ZFYVE28: variants seen among roughly 807,000 people sequenced by gnomAD.
ZFYVE28 encodes zinc finger FYVE-type containing 28, also known as lateral signaling target protein 2 homolog.
ZFYVE28 carries 40 observed loss-of-function variants against 82.1 expected under a neutral mutation model. The ratio of observed to expected loss-of-function variants is 0.49; its 90% CI spans 0.38 to 0.63. ZFYVE28 has a LOEUF of 0.63. Ranked by LOEUF, ZFYVE28 falls within the 30% of genes least tolerant of loss-of-function variation. ZFYVE28 has a pLI of 0.00. For synonymous variants in ZFYVE28, 612 were observed against 546.1 expected, an observed-to-expected ratio of 1.12 and a Z score of -1.68; for missense variants, 1,321 against 1,242.1, an observed-to-expected ratio of 1.06 and a Z score of -0.96.
At chr4:2,296,911 A>G (rs1051906629) in intron 8 of ZFYVE28, among the ~76,000 whole-genome samples, 1 of 152,102 alleles carries the variant, frequency 6.6e-6, no homozygotes, top group Non-Finnish European at 1.5e-5. Flanking sequence ...CTGAGCCCCC[A>G]GAAGAGCTCC....
intron 8 of ZFYVE28, among the ~76,000 whole-genome samples, chr4:2,291,571 C>A (rs1175887069): frequency 6.6e-6 from 1 of 152,210 alleles, no homozygotes; most frequent in Non-Finnish European, 1.5e-5. Context: ...CCCTCTCTCT[C>A]CACCTCAGAC....
chr4:2,336,127 A>C (rs1721649702), intron 5 of ZFYVE28, among the ~76,000 whole-genome samples: 2 of 152,150 alleles, frequency 1.3e-5, no homozygotes, highest in South Asian at 4.1e-4. Context: ...AACCCAGAGG[A>C]CGGCTCTGCT....
chr4:2,305,217 C>T lies in ZFYVE28; in HGVS notation c.1123G>A (p.Ala375Thr), dbSNP rs1332564805. ...GCCTCCCCGCCTGGGCTGCCCTCCG[C>T]TCCTGGCCTGTGAGCTGGGGACTGG... Reference protein sequence around the residue: ...ACQSPAHRPGAEGSPGGEASP... With the variant: ...ACQSPAHRPGTEGSPGGEASP... Residue 375 changes from alanine (A) to threonine (T), a missense_variant, in exon 8 of 13, where the codon GCG (alanine) becomes ACG (threonine). This residue lies in a region of ZFYVE28 where 978 missense variants were observed against 833.7 expected (regional missense o/e 1.17). Coordinates refer to ENST00000290974, the MANE Select transcript of ZFYVE28 (RefSeq NM_020972.3). 3 of 1,609,672 alleles carry T rather than the reference C, an allele frequency of 1.9e-6. No individual in the cohort carries two copies. The highest frequency in any genetic ancestry group is 1.1e-5 in the South Asian group (1 of 90,806).
Position 2,270,287 on chromosome 4 carries a change from C to A in ZFYVE28, c.*438G>T, listed in dbSNP as rs893386053. On this transcript the variant is annotated 3_prime_UTR_variant, in exon 13 of 13. Coordinates refer to ENST00000290974, the MANE Select transcript of ZFYVE28 (RefSeq NM_020972.3). ...TGACGTTTGGGAGGCACATAGGGAG[C>A]CCTGCTGTGCCAAAGAGCCTGTGGA... The A allele has an allele frequency of 2.1e-5, 4 of 192,924 alleles. No homozygotes were observed. Among genetic ancestry groups the A allele is most frequent in the East Asian group, 3.1e-4 (2 of 6,512 alleles). 12.0% of individuals were successfully genotyped at this position (192,924 alleles called of 1,614,324 possible). A position where few individuals can be genotyped will look rare whatever the true frequency, so the allele number is the denominator to read the frequency against.
At chr4:2,301,244 C>T (rs1457939129) in intron 8 of ZFYVE28, among the ~76,000 whole-genome samples, 1 of 152,196 alleles carries the variant, frequency 6.6e-6, no homozygotes, top group Non-Finnish European at 1.5e-5. Context: ...GCTTGAGACA[C>T]AGATGAGTGG....
rs180933575 is a variant in ZFYVE28, at chr4:2,340,594, C to A, written c.318+884G>T. ...CAGAGCTTGGGGCACCAGGACCACACAAGGAGCTGTGCCCACCCCTGTGCA... is the reference window on the plus strand; with the variant it reads ...CAGAGCTTGGGGCACCAGGACCACAAAAGGAGCTGTGCCCACCCCTGTGCA... On this transcript the variant is annotated intron_variant, in intron 3 of 12. Transcript: ENST00000290974. Among the ~76,000 whole-genome samples the A allele has an allele frequency of 2.3e-3, 353 of 152,302 alleles. 4 individuals carry two copies. Among genetic ancestry groups the A allele is most frequent in the Admixed American group, 0.019 (294 of 15,310 alleles).
rs1560269923 is a variant in ZFYVE28, at chr4:2,355,246, AT to A, written c.40-1174del. Among the ~76,000 whole-genome samples, 100 of 22,168 alleles carry A rather than the reference AT, an allele frequency of 4.5e-3. 22 individuals carry two copies. The highest frequency in any genetic ancestry group is 0.021 in the African/African-American group (87 of 4,194). 14.5% of individuals were successfully genotyped at this position (22,168 alleles called of 152,430 possible). On this transcript the variant is annotated intron_variant, in intron 1 of 12. Transcript: ENST00000290974. Reference sequence around the variant, plus strand: ...TATATATATATATATATATATATATATATATATATATATATATATATATATA... The same window carrying A: ...TATATATATATATATATATATATATAATATATATATATATATATATATATA...
At chr4:2,392,031 A>G (rs2354523) in intron 1 of ZFYVE28, among the ~76,000 whole-genome samples, 98,423 of 151,486 alleles carry the variant, frequency 0.65, 32,467 homozygotes, top group East Asian at 0.79. Flanking sequence ...GTGAGCGCCT[A>G]TAATCCTGAC....
intron 8 of ZFYVE28, among the ~76,000 whole-genome samples, chr4:2,302,639 G>A (rs1438441821): frequency 6.6e-6 from 1 of 152,222 alleles, no homozygotes; most frequent in Non-Finnish European, 1.5e-5. Flanking sequence ...CCACCCAGAT[G>A]AGCTGAAGAC....
At position 2,409,872 on chromosome 4, in the gene ZFYVE28, T is replaced by C. The variant is rs1490427061; in HGVS notation, c.39+8413A>G. Among the ~76,000 whole-genome samples, 1 of 152,216 alleles carries C rather than the reference T, an allele frequency of 6.6e-6. No homozygotes were observed. The highest frequency in any genetic ancestry group is 1.9e-4 in the East Asian group (1 of 5,184). On this transcript the variant is annotated intron_variant, in intron 1 of 12. Transcript: ENST00000290974. The surrounding 1 kb of genome is among the most constrained non-coding windows in gnomAD (Gnocchi z 4.4). ...GTGGGAGGAGAGGCTGGGCTGGGACTTGAGGATCCATCTTCAGAGACCAGG... is the reference window on the plus strand; with the variant it reads ...GTGGGAGGAGAGGCTGGGCTGGGACCTGAGGATCCATCTTCAGAGACCAGG...
chr4:2,348,889 G>A (rs1723956381), intron 2 of ZFYVE28, among the ~76,000 whole-genome samples: 1 of 152,058 alleles, frequency 6.6e-6, no homozygotes, highest in African/African-American at 2.4e-5. Context: ...CTTTCTACCA[G>A]AGAACTAAAA....
intron 4 of ZFYVE28, among the ~76,000 whole-genome samples, chr4:2,337,944 G>A (rs1560231944): frequency 6.6e-6 from 1 of 152,036 alleles, no homozygotes. Context: ...CTGCCAGCCA[G>A]GCCTACCCCA....
intron 7 of ZFYVE28, among the ~76,000 whole-genome samples, chr4:2,315,051 C>T (rs1718009379): frequency 6.6e-6 from 1 of 152,160 alleles, no homozygotes; most frequent in Non-Finnish European, 1.5e-5. Flanking sequence ...GCTGGGATTA[C>T]AGGCAGGAGC....
intron 6 of ZFYVE28, among the ~76,000 whole-genome samples, chr4:2,329,444 T>G (rs1033663043): frequency 6.6e-6 from 1 of 152,156 alleles, no homozygotes; most frequent in Admixed American, 6.5e-5. Flanking sequence ...CTTAAAAAGG[T>G]AGGAAATTCT....
intron 1 of ZFYVE28, among the ~76,000 whole-genome samples, chr4:2,374,885 C>T (rs1018424044): frequency 2.0e-5 from 3 of 152,222 alleles, no homozygotes; most frequent in Non-Finnish European, 2.9e-5. Flanking sequence ...GGCTCCTCCT[C>T]GGTGGGTTTG....
intron 1 of ZFYVE28, among the ~76,000 whole-genome samples, chr4:2,387,826 C>T (rs978368748): frequency 3.3e-5 from 5 of 152,248 alleles, no homozygotes; most frequent in Non-Finnish European, 5.9e-5. Flanking sequence ...CCAGAAAGAA[C>T]TACCCGATAA....
chr4:2,385,629 C>T (rs1729180281), intron 1 of ZFYVE28, among the ~76,000 whole-genome samples: 2 of 152,238 alleles, frequency 1.3e-5, no homozygotes. Context: ...TGCATCTGAG[C>T]CTTTGCCCTC....
Position 2,270,585 on chromosome 4 carries a change from C to T in ZFYVE28, c.*140G>A. ...GAGGCTAGCGTGGGCAGGACAGAGGCTCTGGATGCTCTGGAGGTCTGGGTG... is the reference window on the plus strand; with the variant it reads ...GAGGCTAGCGTGGGCAGGACAGAGGTTCTGGATGCTCTGGAGGTCTGGGTG... On this transcript the variant is annotated 3_prime_UTR_variant, in exon 13 of 13. Coordinates refer to ENST00000290974, the MANE Select transcript of ZFYVE28 (RefSeq NM_020972.3). 1 of 1,272,776 alleles carries T rather than the reference C, an allele frequency of 7.9e-7. No homozygotes were observed. The highest frequency in any genetic ancestry group is 1.1e-6 in the Non-Finnish European group (1 of 912,276). 78.8% of individuals were successfully genotyped at this position (1,272,776 alleles called of 1,614,324 possible). A position where few individuals can be genotyped will look rare whatever the true frequency, so the allele number is the denominator to read the frequency against.
At chr4:2,275,715 C>G (rs911033873) in intron 8 of ZFYVE28, among the ~76,000 whole-genome samples, 25 of 152,370 alleles carry the variant, frequency 1.6e-4, no homozygotes, top group African/African-American at 6.0e-4. Flanking sequence ...GCTGGTGCAA[C>G]CACTTCGGAA....
Sources: allele counts gnomAD v4.1 joint callset (sites outside exome capture counted in the v4.1 genomes callset), GRCh38; gene constraint gnomAD v4.1.1; regional missense constraint gnomAD v4.1.1; non-coding constraint Gnocchi (gnomAD v3.1); transcripts MANE v1.5; gene names NCBI Gene and HGNC (gene_info 2026-07-23, HGNC 2026-07-21).